The following STXBP2 variants were observed in gnomAD, a reference collection of about 807,000 sequenced individuals.
The protein encoded by STXBP2 is syntaxin-binding protein 2.
A neutral mutation model predicts 72.2 loss-of-function variants in STXBP2; 47 were observed. The ratio of observed to expected loss-of-function variants is 0.65; its 90% CI spans 0.51 to 0.83. STXBP2 has a LOEUF of 0.83. Ranked by LOEUF, STXBP2 falls within the 40% of genes least tolerant of loss-of-function variation. STXBP2 has a pLI of 0.00. For missense variants in STXBP2, 702 were observed against 807.6 expected, an observed-to-expected ratio of 0.87 and a Z score of 1.58; for synonymous variants, 367 against 338.7, an observed-to-expected ratio of 1.08 and a Z score of -0.92.
intron 14 of STXBP2, 187 bp from the exon 15 acceptor site, chr19:7,645,010 G>C (rs991478117): frequency 5.5e-6 from 8 of 1,447,856 alleles, no homozygotes; most frequent in East Asian, 2.5e-5. Flanking sequence ...AGCTCATCTG[G>C]AGGAGCCCCT....
chr19:7,633,095 T>C, upstream of STXBP2: 1 of 1,163,422 alleles, frequency 8.6e-7, no homozygotes, highest in Non-Finnish European at 1.2e-6. Flanking sequence ...CCGATGCGTG[T>C]CCCGCCGTCC....
At chr19:7,636,981 G>A, upstream of STXBP2, 1 of 637,528 alleles carries the variant, frequency 1.6e-6, no homozygotes, top group Non-Finnish European at 2.2e-6. Flanking sequence ...CGTCCTCCCC[G>A]CCAGGGACTC....
chr19:7,640,029 T>G (rs1288897730), intron 4 of STXBP2: 2 of 666,748 alleles, frequency 3.0e-6, no homozygotes, highest in Non-Finnish European at 2.7e-6. Flanking sequence ...CATGTGCATG[T>G]GTGTGCGTCT....
rs770996868 is a variant in STXBP2 at position 7,647,143 on chromosome 19, C to A, written c.1453-19C>A. The A allele has an allele frequency of 1.9e-6, 3 of 1,610,796 alleles. No homozygotes were observed. In the South Asian group the frequency reaches 3.3e-5, roughly 18 times the overall value. On this transcript the variant is annotated intron_variant, in intron 16 of 18. Transcript: ENST00000221283. ...CCCATGCCTGGGGTTCCTCCCCTAA[C>A]CTGCCTCTCGGCCGCCAGGACGCCG...
At chr19:7,645,683 C>T (rs533347353) in intron 15 of STXBP2, among the ~76,000 whole-genome samples, 325 of 152,132 alleles carry the variant, frequency 2.1e-3, no homozygotes, top group African/African-American at 7.6e-3. Context: ...ATCCAGCACC[C>T]ACACACAGCC....
Position 7,641,860 on chromosome 19 carries a change from A to G in STXBP2, c.578+7A>G. The G allele has an allele frequency of 6.5e-7, 1 of 1,549,030 alleles. No individual in the cohort carries two copies. The highest frequency in any genetic ancestry group is 1.4e-5 in the African/African-American group (1 of 72,680). ...CGGCCATCCGCTACCGCAAGTGGGG[A>G]CCCCACCCAGCCCCACCCCGATGCC... On this transcript the variant is annotated splice_region_variant and intron_variant, in intron 7 of 18. Coordinates refer to ENST00000221283, the MANE Select transcript of STXBP2 (RefSeq NM_006949.4).
Position 7,642,648 on chromosome 19 carries a change from G to T in STXBP2, c.902+112G>T. On this transcript the variant is annotated intron_variant, in intron 10 of 18. Coordinates refer to ENST00000221283, the MANE Select transcript of STXBP2 (RefSeq NM_006949.4). The surrounding 1 kb of genome is among the most constrained non-coding windows in gnomAD (Gnocchi z 6.0). The stretch of plus-strand genomic sequence containing the variant: ...TTTGGCCCTCATGAGCACCCCTCGT[G>T]TGACTCCAGACTGGCCTCCAATTTC... 1 of 1,490,708 alleles carries T rather than the reference G, an allele frequency of 6.7e-7. No homozygotes were observed. The highest frequency in any genetic ancestry group is 9.3e-7 in the Non-Finnish European group (1 of 1,073,806). 92.3% of individuals were successfully genotyped at this position (1,490,708 alleles called of 1,614,324 possible).
At chr19:7,644,533 C>A in intron 13 of STXBP2, 81 bp from the exon 14 acceptor site, 1 of 1,585,612 alleles carries the variant, frequency 6.3e-7, no homozygotes, top group Non-Finnish European at 8.6e-7. Context: ...GCCGAGGATC[C>A]TGGGGATGTC....
chr19:7,644,887 C>T (rs758150834), intron 14 of STXBP2, 135 bp downstream of exon 14: 1 of 1,502,692 alleles, frequency 6.7e-7, no homozygotes, highest in East Asian at 2.4e-5. Context: ...AGCTACCCCT[C>T]TGGACCCGGG....
At position 7,647,391 on chromosome 19, in the gene STXBP2, A is replaced by G. The variant is rs6791; in HGVS notation, c.1576A>G (p.Ile526Val). The part of the protein sequence containing the change: ...FGHWHKNKAG[I>V]EARAGPRLIV... The stretch of plus-strand genomic sequence containing the variant: ...TCACTGGCACAAGAACAAGGCTGGC[A>G]TAGAAGCCCGGGCGGGCCCCCGGCT... Residue 526 changes from isoleucine (I) to valine (V), a missense_variant, in exon 18 of 19, where the codon ATA becomes GTA. Coordinates refer to ENST00000221283, the MANE Select transcript of STXBP2 (RefSeq NM_006949.4). 0.63 allele frequency: 1,016,162 copies of G among 1,613,250 alleles called. 324,031 individuals are homozygous for G. Among genetic ancestry groups the G allele is most frequent in the East Asian group, 0.85 (37,952 of 44,866 alleles).
upstream of STXBP2, chr19:7,632,697 C>T (rs369017254): frequency 5.7e-5 from 89 of 1,549,812 alleles, no homozygotes; most frequent in Middle Eastern, 1.7e-4. This position sits in a 1 kb window ranked among gnomAD's most constrained non-coding sequence, Gnocchi z 5.2. Context: ...ATGGACAGCA[C>T]CCCCGTGCCC....
chr19:7,639,666 T>A, intron 3 of STXBP2, 65 bp from the exon 4 acceptor site: 100 of 1,373,334 alleles, frequency 7.3e-5, no homozygotes, highest in Middle Eastern at 5.1e-4. Context: ...CCCCCACACC[T>A]GAGACTCCCC....
At chr19:7,630,384 C>T in the STXBP2 span, 7 of 595,874 alleles carry the variant, frequency 1.2e-5, 2 homozygotes, top group Admixed American at 1.8e-4. Context: ...AGGAATGAGG[C>T]CTCCTGGATT....
chr19:7,630,330 C>CT, the STXBP2 span: 1 of 561,888 alleles, frequency 1.8e-6, no homozygotes, highest in Non-Finnish European at 3.2e-6. Flanking sequence ...GTCTGTGTGT[C>CT]TGTCTGTGTT....
chr19:7,640,722 C>G lies in STXBP2; in HGVS notation c.247-9C>G, dbSNP rs1038670053. ...GGCTCAGGCCCAGAGAGTGATCCAC[C>G]TTCCCCAGTCGGTTCAGGCCCTGAT... On this transcript the variant is annotated splice_polypyrimidine_tract_variant and intron_variant, in intron 4 of 18. Transcript: ENST00000221283. 1 of 1,614,192 alleles carries G rather than the reference C, an allele frequency of 6.2e-7. No homozygotes were observed. Among genetic ancestry groups the G allele is most frequent in the Non-Finnish European group, 8.5e-7 (1 of 1,180,010 alleles).
At chr19:7,640,709 G>C (rs1270902334) in intron 4 of STXBP2, 22 bp from the exon 5 acceptor site, 1 of 1,614,172 alleles carries the variant, frequency 6.2e-7, no homozygotes, top group Admixed American at 1.7e-5. Context: ...CTCAGGCCCA[G>C]AGAGTGATCC....
chr19:7,640,474 G>T (rs1366296134), intron 4 of STXBP2: 8 of 682,370 alleles, frequency 1.2e-5, no homozygotes, highest in South Asian at 3.0e-5. Context: ...ATCTCTGTGT[G>T]TGCATGTGTG....
chr19:7,647,589 G>C, intron 18 of STXBP2, 78 bp downstream of exon 18: 2 of 1,587,336 alleles, frequency 1.3e-6, no homozygotes, highest in South Asian at 1.1e-5. Flanking sequence ...TAGGTGTCTG[G>C]ACTCCAGAGT....
rs1421444089 is a variant in STXBP2 at position 7,647,159 on chromosome 19, C to T, written c.1453-3C>T. 5.6e-6 allele frequency: 9 copies of T among 1,611,552 alleles called. No homozygotes were observed. In the South Asian group the frequency reaches 9.9e-5, roughly 18 times the overall value. On this transcript the variant is annotated splice_polypyrimidine_tract_variant and splice_region_variant and intron_variant, in intron 16 of 18. Transcript: ENST00000221283. ...CTCCCCTAACCTGCCTCTCGGCCGCCAGGACGCCGTGGAGGACCGGCTGGA... is the reference window on the plus strand; with the variant it reads ...CTCCCCTAACCTGCCTCTCGGCCGCTAGGACGCCGTGGAGGACCGGCTGGA...
Sources: gnomAD v4.1 joint callset for allele counts (sites outside exome capture counted in the v4.1 genomes callset) on GRCh38, gnomAD v4.1.1 for gene constraint, Gnocchi (gnomAD v3.1) non-coding constraint, MANE v1.5 for transcripts, NCBI Gene and HGNC (gene_info 2026-07-23, HGNC 2026-07-21) for gene names.